AKAP19: variants seen among roughly 807,000 people sequenced by gnomAD.
The protein encoded by AKAP19 is small A-kinase anchoring protein.
At chr2:189,912,932 G>T in the AKAP19 span, among the ~76,000 whole-genome samples, 1 of 152,098 alleles carries the variant, frequency 6.6e-6, no homozygotes, top group Non-Finnish European at 1.5e-5. Flanking sequence ...TAATAGCTTG[G>T]CTGAGGACAC....
the AKAP19 span, among the ~76,000 whole-genome samples, chr2:190,016,046 T>C: frequency 6.6e-6 from 1 of 152,206 alleles, no homozygotes; most frequent in Admixed American, 6.5e-5. Flanking sequence ...CTCTAGGAAG[T>C]TCCAAACTTT....
At chr2:190,018,124 G>A in the AKAP19 span, among the ~76,000 whole-genome samples, 11 of 152,048 alleles carry the variant, frequency 7.2e-5, no homozygotes, top group Admixed American at 5.2e-4. Context: ...GTGTCATGGT[G>A]AACTCCTCTT....
the AKAP19 span, among the ~76,000 whole-genome samples, chr2:190,061,008 T>G: frequency 6.6e-6 from 1 of 151,958 alleles, no homozygotes; most frequent in Non-Finnish European, 1.5e-5. Flanking sequence ...ACACAAAAAT[T>G]TTGATGTTAT....
chr2:189,922,439 T>C, the AKAP19 span, among the ~76,000 whole-genome samples: 13 of 152,190 alleles, frequency 8.5e-5, no homozygotes, highest in Admixed American at 4.6e-4. Flanking sequence ...AAACTAGACA[T>C]GGGTATAGAG....
the AKAP19 span, among the ~76,000 whole-genome samples, chr2:190,113,725 C>T: frequency 6.6e-6 from 1 of 152,170 alleles, no homozygotes; most frequent in Non-Finnish European, 1.5e-5. Context: ...CTGCATGACT[C>T]CTCAGAAGTC....
At chr2:190,023,265 T>A in the AKAP19 span, among the ~76,000 whole-genome samples, 1 of 152,260 alleles carries the variant, frequency 6.6e-6, no homozygotes, top group African/African-American at 2.4e-5. Flanking sequence ...GTTAATCCCA[T>A]GTTTTCTTAT....
chr2:189,922,098 G>A, the AKAP19 span, among the ~76,000 whole-genome samples: 1 of 152,044 alleles, frequency 6.6e-6, no homozygotes, highest in Non-Finnish European at 1.5e-5. Context: ...AGGTGAAGAG[G>A]GAACAATGAA....
the AKAP19 span, among the ~76,000 whole-genome samples, chr2:189,929,877 T>C: frequency 6.6e-6 from 1 of 152,132 alleles, no homozygotes; most frequent in African/African-American, 2.4e-5. Flanking sequence ...AGAAAAGAAT[T>C]TGGGGATGGG....
the AKAP19 span, among the ~76,000 whole-genome samples, chr2:190,062,010 T>C: frequency 6.6e-6 from 1 of 152,092 alleles, no homozygotes; most frequent in Non-Finnish European, 1.5e-5. Flanking sequence ...CTTTATTTTT[T>C]AGTTTTTTGT....
At chr2:190,193,539 G>C in the AKAP19 span, among the ~76,000 whole-genome samples, 1 of 152,096 alleles carries the variant, frequency 6.6e-6, no homozygotes, top group Non-Finnish European at 1.5e-5. Flanking sequence ...AGGGCCTGGA[G>C]GTTTCTTTTT....
At chr2:190,064,289 C>T in the AKAP19 span, among the ~76,000 whole-genome samples, 1 of 152,024 alleles carries the variant, frequency 6.6e-6, no homozygotes, top group Non-Finnish European at 1.5e-5. Context: ...TGTTATGGGA[C>T]AATATTAGAT....
chr2:190,007,191 C>A, the AKAP19 span, among the ~76,000 whole-genome samples: 1 of 152,114 alleles, frequency 6.6e-6, no homozygotes, highest in African/African-American at 2.4e-5. Context: ...GGGTAGGATA[C>A]CTTCAAGGGA....
At chr2:190,188,391 A>C in the AKAP19 span, among the ~76,000 whole-genome samples, 3 of 152,226 alleles carry the variant, frequency 2.0e-5, no homozygotes, top group Non-Finnish European at 2.9e-5. Context: ...AATGACAAGA[A>C]GGCCAAAACA....
At chr2:190,174,204 C>T in the AKAP19 span, among the ~76,000 whole-genome samples, 7,957 of 152,236 alleles carry the variant, frequency 0.052, 235 homozygotes, top group East Asian at 0.088. Context: ...GGTGTGCTCT[C>T]GCCATTGCTC....
chr2:190,084,866 C>T, the AKAP19 span, among the ~76,000 whole-genome samples: 1 of 152,202 alleles, frequency 6.6e-6, no homozygotes, highest in Admixed American at 6.5e-5. Flanking sequence ...TATCTGGGGA[C>T]AGATGGAGGG....
the AKAP19 span, among the ~76,000 whole-genome samples, chr2:190,174,102 G>C: frequency 1.3e-5 from 2 of 152,176 alleles, no homozygotes; most frequent in Non-Finnish European, 2.9e-5. Context: ...AATTAGCTTA[G>C]ACTGTGTGGT....
the AKAP19 span, among the ~76,000 whole-genome samples, chr2:189,883,943 TTAAA>T: frequency 2.6e-5 from 4 of 152,176 alleles, no homozygotes; most frequent in South Asian, 2.1e-4. Context: ...GTTCCTTAAA[TTAAA>T]TAGTTTTTTA....
At chr2:190,026,353 A>G in the AKAP19 span, among the ~76,000 whole-genome samples, 1 of 152,212 alleles carries the variant, frequency 6.6e-6, no homozygotes, top group Non-Finnish European at 1.5e-5. Flanking sequence ...CCACTTGACT[A>G]TGAAATCTTT....
chr2:190,195,326 T>C, the AKAP19 span, among the ~76,000 whole-genome samples: 1 of 152,224 alleles, frequency 6.6e-6, no homozygotes, highest in Non-Finnish European at 1.5e-5. Context: ...GTTCAACTTA[T>C]TGGGTAAATA....
Sources: allele counts gnomAD v4.1 joint callset (sites outside exome capture counted in the v4.1 genomes callset), GRCh38; gene constraint gnomAD v4.1.1; transcripts MANE v1.5; gene names NCBI Gene and HGNC (gene_info 2026-07-23, HGNC 2026-07-21).